Variants in CTNNA3 observed in about 807,000 individuals in gnomAD.
The protein encoded by CTNNA3 is catenin alpha-3.
In CTNNA3, 76 loss-of-function variants were observed where a neutral mutation model predicts 95.7. The observed-to-expected ratio is 0.79, with a 90% CI of 0.66 to 0.96. CTNNA3 has a LOEUF of 0.96. Among genes scored for constraint, CTNNA3 ranks in the 40% least tolerant of loss-of-function variants. The pLI is 0.00. For synonymous variants in CTNNA3, 431 were observed against 374.4 expected, an observed-to-expected ratio of 1.15 and a Z score of -1.74; for missense variants, 1,191 against 1,089.8, an observed-to-expected ratio of 1.09 and a Z score of -1.31.
At chr10:66,979,567 C>T (rs1393730251) in intron 7 of CTNNA3, among the ~76,000 whole-genome samples, 1 of 152,118 alleles carries the variant, frequency 6.6e-6, no homozygotes, top group Non-Finnish European at 1.5e-5. Flanking sequence ...TACTTCTGGC[C>T]ATGCGACCTG....
intron 7 of CTNNA3, among the ~76,000 whole-genome samples, chr10:66,826,328 G>A (rs1271031634): frequency 6.6e-6 from 1 of 152,088 alleles, no homozygotes; most frequent in Non-Finnish European, 1.5e-5. Context: ...CCAGGCTAGA[G>A]TGCAGTGGTA....
chr10:67,098,849 G>A (rs956125100), intron 7 of CTNNA3: 1 of 151,846 alleles, frequency 6.6e-6, no homozygotes, highest in Admixed American at 6.6e-5. Context: ...GTAACCATCA[G>A]TCAGTGCAAA....
chr10:66,360,588 ATTCTTTCCTTCT>A (rs2092646352), intron 12 of CTNNA3, among the ~76,000 whole-genome samples: 1 of 130,100 alleles, frequency 7.7e-6, no homozygotes, highest in African/African-American at 2.6e-5. Context: ...CCTCTAATGT[ATTCTTTCCTTCT>A]TTCTTTCTTT....
At chr10:66,283,599 T>C (rs1452476391) in intron 12 of CTNNA3, among the ~76,000 whole-genome samples, 1 of 151,960 alleles carries the variant, frequency 6.6e-6, no homozygotes. Context: ...AAGGGCCTTT[T>C]ACTAATAAAT....
At chr10:67,587,403 G>C (rs568382316) in intron 3 of CTNNA3, among the ~76,000 whole-genome samples, 6 of 152,120 alleles carry the variant, frequency 3.9e-5, no homozygotes. Context: ...GTCTGGTCTG[G>C]TGGTGATGAA....
intron 9 of CTNNA3, among the ~76,000 whole-genome samples, chr10:66,644,172 T>C (rs1845611029): frequency 6.6e-6 from 1 of 151,578 alleles, no homozygotes. Flanking sequence ...GGTGGGAGGA[T>C]TGGTTGAGCT....
intron 7 of CTNNA3, among the ~76,000 whole-genome samples, chr10:66,906,616 CT>C (rs1427571138): frequency 6.6e-6 from 1 of 151,960 alleles, no homozygotes; most frequent in Non-Finnish European, 1.5e-5. Flanking sequence ...TGAGGAACTA[CT>C]TTTGATCCTG....
chr10:66,530,557 G>T (rs562638002), intron 10 of CTNNA3, among the ~76,000 whole-genome samples: 1 of 151,758 alleles, frequency 6.6e-6, no homozygotes, highest in Non-Finnish European at 1.5e-5. Context: ...TTCAAATTAC[G>T]GCATGTAATA....
intron 5 of CTNNA3, among the ~76,000 whole-genome samples, chr10:67,440,544 T>C (rs1343014200): frequency 6.6e-6 from 1 of 152,136 alleles, no homozygotes; most frequent in East Asian, 1.9e-4. Context: ...AGTGCTGTCC[T>C]GGCTTCAGGT....
intron 5 of CTNNA3, among the ~76,000 whole-genome samples, chr10:67,308,400 C>A (rs1840646613): frequency 6.6e-6 from 1 of 152,164 alleles, no homozygotes; most frequent in African/African-American, 2.4e-5. Flanking sequence ...TGCACATGCT[C>A]TCTTGCCTGC....
At chr10:66,732,175 T>C (rs1258468963) in intron 9 of CTNNA3, among the ~76,000 whole-genome samples, 1 of 152,242 alleles carries the variant, frequency 6.6e-6, no homozygotes. Context: ...CAACATATCC[T>C]ACAGATTTGA....
intron 17 of CTNNA3, among the ~76,000 whole-genome samples, chr10:65,946,347 G>A (rs2077516363): frequency 6.6e-6 from 1 of 151,860 alleles, no homozygotes; most frequent in African/African-American, 2.4e-5. Flanking sequence ...CATTCTTTTA[G>A]CTTTAAATAA....
chr10:66,097,507 A>G (rs2081445470), intron 14 of CTNNA3, among the ~76,000 whole-genome samples: 1 of 152,178 alleles, frequency 6.6e-6, no homozygotes, highest in Admixed American at 6.6e-5. Context: ...AGATAAGAAA[A>G]TTGAAAGTTA....
intron 9 of CTNNA3, among the ~76,000 whole-genome samples, chr10:66,729,796 A>T (rs1392374412): frequency 3.3e-5 from 5 of 152,280 alleles, no homozygotes; most frequent in East Asian, 3.9e-4. Flanking sequence ...AAGGAAATTT[A>T]AAAAATTTTA....
chr10:67,257,349 A>C (rs886273695), intron 5 of CTNNA3, among the ~76,000 whole-genome samples: 6 of 152,248 alleles, frequency 3.9e-5, no homozygotes, highest in African/African-American at 1.4e-4. Context: ...CAATGCTGAA[A>C]GCACAAATTT....
At chr10:66,421,911 TATATAC>T (rs1400550092) in intron 11 of CTNNA3, among the ~76,000 whole-genome samples, 1 of 145,222 alleles carries the variant, frequency 6.9e-6, no homozygotes, top group East Asian at 2.0e-4. Context: ...TATATATATA[TATATAC>T]ACACACACAC....
At chr10:66,008,170 G>T (rs1403338379) in intron 15 of CTNNA3, among the ~76,000 whole-genome samples, 1 of 152,016 alleles carries the variant, frequency 6.6e-6, no homozygotes, top group Non-Finnish European at 1.5e-5. Context: ...TGAGATACTG[G>T]GTCTCAATTA....
At chr10:67,521,416 G>A (rs780635387) in intron 5 of CTNNA3, among the ~76,000 whole-genome samples, 4 of 152,046 alleles carry the variant, frequency 2.6e-5, no homozygotes, top group Non-Finnish European at 5.9e-5. Flanking sequence ...TTCATATTTT[G>A]GCATATTTAT....
At position 67,301,982 on chromosome 10, in the gene CTNNA3, AGAAAGAAAGAACGAAAGAAC is replaced by A. The variant is rs1564548063; in HGVS notation, c.580-82132_580-82113del. Among the ~76,000 whole-genome samples the A allele has an allele frequency of 2.2e-4, 22 of 100,068 alleles. 1 individual carries two copies. Among genetic ancestry groups the A allele is most frequent in the Middle Eastern group, 4.6e-3 (1 of 218 alleles). The allele number at this position is 100,068 out of a possible 152,430, so 65.6% of individuals were successfully genotyped here. On this transcript the variant is annotated intron_variant, in intron 5 of 17. Coordinates refer to ENST00000433211, the MANE Select transcript of CTNNA3 (RefSeq NM_013266.4). ...AGACTCGTCAAGAAAGAAAAAAGAA[AGAAAGAAAGAACGAAAGAAC>A]GAAAGAAAGAAAGAAAGAAAGAAAG...
Sources: gnomAD v4.1 joint callset for allele counts (sites outside exome capture counted in the v4.1 genomes callset) on GRCh38, gnomAD v4.1.1 for gene constraint, MANE v1.5 for transcripts, NCBI Gene and HGNC (gene_info 2026-07-23, HGNC 2026-07-21) for gene names.